GDPD4: variants seen among roughly 807,000 people sequenced by gnomAD.
GDPD4 encodes the protein glycerophosphodiester phosphodiesterase 6.
Under a neutral mutation model 67.8 loss-of-function variants are expected in GDPD4, and 60 were observed. The observed-to-expected ratio is 0.88, with a 90% CI of 0.72 to 1.10. The LOEUF is 1.10. Among genes scored for constraint, GDPD4 ranks in the 50% least tolerant of loss-of-function variants. The pLI, the probability that GDPD4 is intolerant of heterozygous loss-of-function variation, is 0.00. For synonymous variants in GDPD4, 212 were observed against 210.9 expected, an observed-to-expected ratio of 1.00 and a Z score of -0.04; for missense variants, 623 against 613.9, an observed-to-expected ratio of 1.01 and a Z score of -0.16.
At position 77,216,628 on chromosome 11, in the gene GDPD4, A is replaced by G; in HGVS notation, c.*649T>C. The G allele has an allele frequency of 4.9e-6, 2 of 407,212 alleles. No individual in the cohort carries two copies. The highest frequency in any genetic ancestry group is 8.9e-6 in the Non-Finnish European group (2 of 224,170). 25.2% of individuals were successfully genotyped at this position (407,212 alleles called of 1,614,324 possible). On this transcript the variant is annotated 3_prime_UTR_variant, in exon 17 of 17. Transcript: ENST00000315938. ...CAGAAAATATTATGGAGGTGTTAGG[A>G]TGAGATAAACCTGACAGCAACCAGT...
intron 13 of GDPD4, among the ~76,000 whole-genome samples, chr11:77,237,422 T>G (rs1958588787): frequency 6.6e-6 from 1 of 152,138 alleles, no homozygotes; most frequent in South Asian, 2.1e-4. Flanking sequence ...ATATAAAATT[T>G]TCAAAAAGCC....
chr11:77,268,637 A>C, intron 9 of GDPD4, 98 bp from the exon 10 acceptor site: 3 of 955,656 alleles, frequency 3.1e-6, no homozygotes, highest in South Asian at 1.4e-5. Context: ...TTTGGGGAGC[A>C]GAGCTTGGCT....
intron 14 of GDPD4, among the ~76,000 whole-genome samples, chr11:77,231,700 A>G (rs1290789562): frequency 6.6e-6 from 1 of 152,256 alleles, no homozygotes; most frequent in East Asian, 1.9e-4. Flanking sequence ...ACTTTGAGAC[A>G]TTACTGATTC....
intron 16 of GDPD4, among the ~76,000 whole-genome samples, chr11:77,221,698 T>G (rs577299769): frequency 2.0e-5 from 3 of 152,300 alleles, no homozygotes; most frequent in African/African-American, 7.2e-5. Context: ...CTGAGAAGAA[T>G]GTATATTCTG....
At chr11:77,277,450 G>GAC (rs1959532117) in intron 4 of GDPD4, among the ~76,000 whole-genome samples, 3 of 130,420 alleles carry the variant, frequency 2.3e-5, no homozygotes. Flanking sequence ...GTCCAGGCTG[G>GAC]AGTGCAGTGT....
chr11:77,227,950 G>A, intron 15 of GDPD4, 34 bp from the exon 16 acceptor site: 1 of 1,461,954 alleles, frequency 6.8e-7, no homozygotes, highest in Non-Finnish European at 9.6e-7. Context: ...GAAATGAAGG[G>A]GTCTAAAGAA....
At chr11:77,264,721 A>C (rs540924393) in intron 10 of GDPD4, among the ~76,000 whole-genome samples, 2 of 152,258 alleles carry the variant, frequency 1.3e-5, no homozygotes, top group East Asian at 3.9e-4. Context: ...TATCCAAAAC[A>C]AAGGGGAGAA....
At chr11:77,299,224 G>A (rs1313106704) in intron 1 of GDPD4, among the ~76,000 whole-genome samples, 3 of 152,062 alleles carry the variant, frequency 2.0e-5, no homozygotes, top group African/African-American at 2.4e-5. Context: ...TCAGCATCCC[G>A]ATTATAAGAA....
intron 11 of GDPD4, among the ~76,000 whole-genome samples, chr11:77,247,531 G>A (rs924236487): frequency 6.6e-6 from 1 of 152,132 alleles, no homozygotes; most frequent in Non-Finnish European, 1.5e-5. Context: ...AAACTGGAAT[G>A]GATAAATGCC....
chr11:77,250,717 G>T (rs1958874982), intron 11 of GDPD4, among the ~76,000 whole-genome samples: 1 of 152,062 alleles, frequency 6.6e-6, no homozygotes, highest in Non-Finnish European at 1.5e-5. Context: ...TTGATCTTTT[G>T]TCTAGATGAT....
chr11:77,269,623 T>C (rs1218997610), intron 8 of GDPD4, among the ~76,000 whole-genome samples: 1 of 152,170 alleles, frequency 6.6e-6, no homozygotes, highest in Non-Finnish European at 1.5e-5. Flanking sequence ...TATATCAACC[T>C]TATAGGTTGT....
intron 14 of GDPD4, among the ~76,000 whole-genome samples, chr11:77,229,769 T>A (rs546570299): frequency 1.9e-4 from 29 of 152,338 alleles, no homozygotes; most frequent in Non-Finnish European, 3.8e-4. Context: ...TTCTAAAGTA[T>A]CACACTTTAA....
At chr11:77,274,382 T>G (rs965459544) in intron 5 of GDPD4, among the ~76,000 whole-genome samples, 16 of 152,190 alleles carry the variant, frequency 1.1e-4, no homozygotes, top group African/African-American at 3.4e-4. Flanking sequence ...TGGGAGGTGT[T>G]TGGATCATGG....
Position 77,243,693 on chromosome 11 carries a change from C to T in GDPD4, c.1241+1G>A, listed in dbSNP as rs144726122. ...CAAGAGAGGTGTGGTCAAACACTTA[C>T]CTTAACCCATTAGGGAACAACTTCT... On this transcript the variant is annotated splice_donor_variant, in intron 13 of 16. Transcript: ENST00000315938. LOFTEE classifies it high-confidence loss of function. 66 of 1,610,550 alleles carry T rather than the reference C, an allele frequency of 4.1e-5. No individual in the cohort carries two copies. The highest frequency in any genetic ancestry group is 5.5e-5 in the Non-Finnish European group (65 of 1,177,214).
chr11:77,296,617 G>A (rs543426598), intron 1 of GDPD4, among the ~76,000 whole-genome samples: 5 of 151,662 alleles, frequency 3.3e-5, no homozygotes, highest in Admixed American at 6.6e-5. Context: ...TACTGCACCC[G>A]GCCAGATGTA....
At chr11:77,226,555 G>C (rs542529780) in intron 16 of GDPD4, among the ~76,000 whole-genome samples, 1 of 152,236 alleles carries the variant, frequency 6.6e-6, no homozygotes, top group Admixed American at 6.5e-5. Flanking sequence ...ACCTTGATCT[G>C]GGATTTCTAG....
chr11:77,217,803 C>G (rs1044025860), intron 16 of GDPD4, among the ~76,000 whole-genome samples: 6 of 152,066 alleles, frequency 3.9e-5, no homozygotes, highest in Non-Finnish European at 7.4e-5. Context: ...GCTAGGAGAT[C>G]AAGACCAATC....
intron 13 of GDPD4, among the ~76,000 whole-genome samples, chr11:77,235,009 G>GTTTTTTGTTTTTTTT (rs1958524952): frequency 1.3e-4 from 7 of 52,262 alleles, no homozygotes; most frequent in African/African-American, 4.4e-4. Context: ...GTCAATATCT[G>GTTTTTTGTTTTTTTT]TTTTTTTTTT....
intron 3 of GDPD4, among the ~76,000 whole-genome samples, chr11:77,283,653 G>A (rs1035787164): frequency 1.3e-5 from 2 of 151,936 alleles, no homozygotes; most frequent in African/African-American, 4.8e-5. Flanking sequence ...CAATGAATAA[G>A]TAGGCAAAGG....
Sources: gnomAD v4.1 joint callset for allele counts (sites outside exome capture counted in the v4.1 genomes callset) on GRCh38, gnomAD v4.1.1 for gene constraint, MANE v1.5 for transcripts, NCBI Gene and HGNC (gene_info 2026-07-23, HGNC 2026-07-21) for gene names.